Variants in CPNE4 observed in about 807,000 individuals in gnomAD.
CPNE4 encodes the protein copine-4.
Under a neutral mutation model 67.9 loss-of-function variants are expected in CPNE4, and 25 were observed. That is an observed-to-expected ratio of 0.37 (90% CI 0.27 to 0.51). The LOEUF (loss-of-function observed/expected upper bound fraction) is 0.51, where lower values mean the gene tolerates loss of function less well. Ranked by LOEUF, CPNE4 falls within the 20% of genes least tolerant of loss-of-function variation. CPNE4 has a pLI of 0.93. For missense variants in CPNE4, 464 were observed against 690.8 expected, an observed-to-expected ratio of 0.67 and a Z score of 3.68; for synonymous variants, 242 against 244.9, an observed-to-expected ratio of 0.99 and a Z score of 0.11.
chr3:131,686,969 C>T (rs2080906828), intron 5 of CPNE4, among the ~76,000 whole-genome samples: 1 of 152,276 alleles, frequency 6.6e-6, no homozygotes, highest in Non-Finnish European at 1.5e-5. Context: ...TTCTTAGTAG[C>T]TATTTTTTTA....
chr3:131,620,288 T>C (rs1357518194), intron 7 of CPNE4, among the ~76,000 whole-genome samples: 1 of 152,298 alleles, frequency 6.6e-6, no homozygotes, highest in Admixed American at 6.5e-5. Flanking sequence ...ATAATGATGA[T>C]GTATTGCAAG....
intron 1 of CPNE4, among the ~76,000 whole-genome samples, chr3:131,916,750 A>G (rs2089197517): frequency 6.6e-6 from 1 of 152,170 alleles, no homozygotes; most frequent in Non-Finnish European, 1.5e-5. Flanking sequence ...AAGCACTTGA[A>G]CTGTGGCTAG....
chr3:131,685,722 A>G (rs992999807), intron 6 of CPNE4, among the ~76,000 whole-genome samples, 153 bp downstream of exon 6: 2 of 152,260 alleles, frequency 1.3e-5, no homozygotes, highest in Admixed American at 6.5e-5. Context: ...TGGCGGTTGC[A>G]GTGAGACGAG....
intron 2 of CPNE4, among the ~76,000 whole-genome samples, chr3:131,825,444 A>G (rs1421586835): frequency 6.6e-6 from 1 of 151,384 alleles, no homozygotes; most frequent in African/African-American, 2.4e-5. Flanking sequence ...CAGTGAGCTG[A>G]TATCATGCCG....
intron 2 of CPNE4, among the ~76,000 whole-genome samples, chr3:131,787,122 T>A (rs947659249): frequency 5.3e-5 from 8 of 152,162 alleles, no homozygotes; most frequent in Admixed American, 5.2e-4. Flanking sequence ...TACACCAAAG[T>A]CATTTGTAAG....
chr3:131,579,058 G>C (rs543790749), intron 9 of CPNE4, among the ~76,000 whole-genome samples: 3 of 152,196 alleles, frequency 2.0e-5, no homozygotes, highest in Non-Finnish European at 1.5e-5. Flanking sequence ...TGGCTAGAGA[G>C]AAGAAGTCAC....
intron 1 of CPNE4, among the ~76,000 whole-genome samples, chr3:131,910,186 G>A (rs1039401569): frequency 2.6e-5 from 4 of 152,130 alleles, no homozygotes; most frequent in African/African-American, 4.8e-5. Context: ...CCAGCACACT[G>A]TTGGCAAGTG....
chr3:131,575,973 GTATTCGTT>G (rs1937538899), intron 9 of CPNE4, among the ~76,000 whole-genome samples: 1 of 152,058 alleles, frequency 6.6e-6, no homozygotes, highest in Non-Finnish European at 1.5e-5. Flanking sequence ...TGATATTCAT[GTATTCGTT>G]TATTCAACAA....
At chr3:131,576,618 A>AT (rs960456134) in intron 9 of CPNE4, among the ~76,000 whole-genome samples, 6 of 152,140 alleles carry the variant, frequency 3.9e-5, no homozygotes, top group African/African-American at 1.4e-4. Flanking sequence ...TCTTCAAAGG[A>AT]TAGGAGGCAT....
intron 3 of CPNE4, among the ~76,000 whole-genome samples, chr3:131,712,494 C>A (rs2081584087): frequency 6.6e-6 from 1 of 152,180 alleles, no homozygotes; most frequent in African/African-American, 2.4e-5. Context: ...ATTTCATAAG[C>A]AGTCTAAACC....
chr3:131,926,817 T>C (rs1486820654), intron 1 of CPNE4, among the ~76,000 whole-genome samples: 1 of 152,204 alleles, frequency 6.6e-6, no homozygotes, highest in Non-Finnish European at 1.5e-5. Flanking sequence ...AGGTGACTAT[T>C]TGAGTCAAGT....
intron 1 of CPNE4, among the ~76,000 whole-genome samples, chr3:131,958,805 C>T (rs1206049884): frequency 6.6e-6 from 1 of 150,810 alleles, no homozygotes; most frequent in Non-Finnish European, 1.5e-5. Flanking sequence ...ATTATGGGTG[C>T]CCGCCACCAC....
At chr3:131,653,902 T>A (rs6439312) in intron 7 of CPNE4, among the ~76,000 whole-genome samples, 37,017 of 152,116 alleles carry the variant, frequency 0.24, 5,759 homozygotes, top group African/African-American at 0.45. Flanking sequence ...GAGATCTTGT[T>A]TCAGACTAGG....
intron 1 of CPNE4, among the ~76,000 whole-genome samples, chr3:131,973,187 T>G (rs1395989645): frequency 6.6e-6 from 1 of 152,110 alleles, no homozygotes; most frequent in Non-Finnish European, 1.5e-5. Flanking sequence ...TAAAAGATAA[T>G]GAAACCTGAG....
At chr3:131,831,518 T>G (rs1485036055) in intron 2 of CPNE4, among the ~76,000 whole-genome samples, 2 of 152,136 alleles carry the variant, frequency 1.3e-5, no homozygotes, top group East Asian at 1.9e-4. Context: ...ACTAAAAAAT[T>G]TATTAAATTC....
chr3:131,571,469 A>G (rs1430977443), intron 10 of CPNE4, among the ~76,000 whole-genome samples: 2 of 152,052 alleles, frequency 1.3e-5, no homozygotes, highest in African/African-American at 4.8e-5. Flanking sequence ...AGCCAAATTC[A>G]TCATCTTGCC....
At chr3:131,623,799 A>C (rs1487372401) in intron 7 of CPNE4, among the ~76,000 whole-genome samples, 2 of 152,250 alleles carry the variant, frequency 1.3e-5, no homozygotes, top group African/African-American at 4.8e-5. Context: ...TTTAAGAAGC[A>C]CTGATTTAGG....
At chr3:131,625,996 C>G (rs1404737687) in intron 7 of CPNE4, among the ~76,000 whole-genome samples, 1 of 152,124 alleles carries the variant, frequency 6.6e-6, no homozygotes, top group Non-Finnish European at 1.5e-5. Context: ...CCAAATGTTA[C>G]TATTGTAATT....
rs972557937 is a variant in CPNE4 at position 131,948,844 on chromosome 3, T to C, written c.-1-43400A>G. Among the ~76,000 whole-genome samples, 3 of 152,166 alleles carry C rather than the reference T, an allele frequency of 2.0e-5. No individual in the cohort carries two copies. The East Asian group carries it at 5.8e-4, about 29-fold the overall frequency. ...TATGCTTTAGTACAGAGAGACTTAATATAAAATTCCATGCAGGAAAAAAAC... is the reference window on the plus strand; with the variant it reads ...TATGCTTTAGTACAGAGAGACTTAACATAAAATTCCATGCAGGAAAAAAAC... On this transcript the variant is annotated intron_variant, in intron 1 of 15. Transcript: ENST00000429747.
Sources: allele counts gnomAD v4.1 joint callset (sites outside exome capture counted in the v4.1 genomes callset), GRCh38; gene constraint gnomAD v4.1.1; transcripts MANE v1.5; gene names NCBI Gene and HGNC (gene_info 2026-07-23, HGNC 2026-07-21).